CDC42BPA: variants seen among roughly 807,000 people sequenced by gnomAD.
The protein encoded by CDC42BPA is serine/threonine-protein kinase MRCK alpha.
CDC42BPA carries 80 observed loss-of-function variants against 223.5 expected under a neutral mutation model. The ratio of observed to expected loss-of-function variants is 0.36; its 90% confidence interval spans 0.30 to 0.43. CDC42BPA has a LOEUF of 0.43. Ranked by LOEUF, CDC42BPA falls within the 20% of genes least tolerant of loss-of-function variation. CDC42BPA has a pLI of 1.00. For missense variants in CDC42BPA, 1,743 were observed against 2,099.9 expected (o/e 0.83, Z 3.32); for synonymous variants, 694 against 718.6 (o/e 0.97, Z 0.55).
chr1:227,226,725 A>G (rs1466414341), intron 2 of CDC42BPA, among the ~76,000 whole-genome samples: 1 of 152,190 alleles, frequency 6.6e-6, no homozygotes, highest in Non-Finnish European at 1.5e-5. Flanking sequence ...GTCTGTTTTG[A>G]GATGGCAAAC....
chr1:227,259,739 G>T (rs545377503), intron 1 of CDC42BPA, among the ~76,000 whole-genome samples: 1 of 151,068 alleles, frequency 6.6e-6, no homozygotes, highest in South Asian at 2.1e-4. Flanking sequence ...TGCTAGCTCA[G>T]AGAAGGACAC....
rs1673993954 is a variant in CDC42BPA at position 227,053,705 on chromosome 1, T to A, written c.2905-1720A>T. ...ATCAAGGAGGCTAAGTTATATTATT[T>A]CCTTTCCTGATAGTAAATTTTGACC... On this transcript the variant is annotated intron_variant, in intron 21 of 36. Coordinates refer to ENST00000366766, the MANE Select transcript of CDC42BPA (RefSeq NM_001394014.1). Among the ~76,000 whole-genome samples, 6 of 152,326 alleles carry A rather than the reference T, an allele frequency of 3.9e-5. No homozygotes were observed. In the South Asian group the frequency reaches 1.2e-3, roughly 32 times the overall value.
At chr1:227,227,832 A>G (rs1412010219) in intron 2 of CDC42BPA, among the ~76,000 whole-genome samples, 2 of 135,350 alleles carry the variant, frequency 1.5e-5, no homozygotes, top group African/African-American at 2.8e-5. Context: ...CAAGGTCCAT[A>G]TTAAAAAAAA....
chr1:227,150,200 G>C (rs1487231354), intron 6 of CDC42BPA, among the ~76,000 whole-genome samples: 2 of 148,562 alleles, frequency 1.3e-5, no homozygotes, highest in East Asian at 3.9e-4. Context: ...CTCCAGCCTG[G>C]GCGACAAGAG....
chr1:227,200,530 T>G (rs1241955871), intron 3 of CDC42BPA, among the ~76,000 whole-genome samples: 3 of 143,012 alleles, frequency 2.1e-5, no homozygotes, highest in African/African-American at 9.0e-5. Flanking sequence ...CAATTTGATT[T>G]TTTTTTTTTC....
At chr1:227,257,889 G>A (rs1683366001) in intron 1 of CDC42BPA, among the ~76,000 whole-genome samples, 1 of 150,966 alleles carries the variant, frequency 6.6e-6, no homozygotes, top group Admixed American at 6.6e-5. Flanking sequence ...CTAAAAATGG[G>A]GCCGGGTGTG....
intron 21 of CDC42BPA, among the ~76,000 whole-genome samples, chr1:227,063,447 A>T (rs1488285392): frequency 2.0e-5 from 3 of 152,148 alleles, no homozygotes; most frequent in Non-Finnish European, 2.9e-5. Flanking sequence ...GGTCTTATTT[A>T]ATAAAATACC....
chr1:227,228,903 T>C (rs1363890880), intron 2 of CDC42BPA, among the ~76,000 whole-genome samples: 7 of 152,224 alleles, frequency 4.6e-5, no homozygotes, highest in Non-Finnish European at 8.8e-5. Flanking sequence ...TGCAGAGTTC[T>C]TTTAACACAG....
In CDC42BPA at chr1:227,015,724, T is replaced by C. The variant is rs555067335; in HGVS notation, c.4857+356A>G. Reference sequence around the variant, plus strand: ...GAGTAGGCCAAATATCTGTATTGATTTGCTAACACGTAGTGAAATTTTAGT... The same window carrying C: ...GAGTAGGCCAAATATCTGTATTGATCTGCTAACACGTAGTGAAATTTTAGT... On this transcript the variant is annotated intron_variant, in intron 34 of 36. Coordinates refer to ENST00000366766, the MANE Select transcript of CDC42BPA (RefSeq NM_001394014.1). 3.9e-5 allele frequency among the ~76,000 whole-genome samples: 6 copies of C among 152,176 alleles called. No homozygotes were observed. In the South Asian group the frequency reaches 1.2e-3, roughly 32 times the overall value.
At chr1:227,173,373 C>T (rs1410733080) in intron 5 of CDC42BPA, among the ~76,000 whole-genome samples, 1 of 152,148 alleles carries the variant, frequency 6.6e-6, no homozygotes, top group Non-Finnish European at 1.5e-5. Context: ...GGAAGATGGT[C>T]GCTAGGCTCC....
chr1:227,140,714 C>T (rs1659510252), intron 9 of CDC42BPA, among the ~76,000 whole-genome samples: 1 of 152,130 alleles, frequency 6.6e-6, no homozygotes, highest in Admixed American at 6.6e-5. Flanking sequence ...AGGGGAGTGA[C>T]ATGTTCTGAT....
intron 1 of CDC42BPA, among the ~76,000 whole-genome samples, chr1:227,297,983 T>C (rs549542151): frequency 0.13 from 9,421 of 72,974 alleles, 329 homozygotes; most frequent in South Asian, 0.17. Context: ...CACACACACA[T>C]ATATACATAT....
At chr1:227,109,166 GA>G (rs1686459984) in intron 14 of CDC42BPA, among the ~76,000 whole-genome samples, 1 of 152,192 alleles carries the variant, frequency 6.6e-6, no homozygotes, top group Admixed American at 6.5e-5. Context: ...GAGTGAACAT[GA>G]AGGCCTAGGA....
At chr1:227,210,407 G>T (rs1673669780) in intron 3 of CDC42BPA, among the ~76,000 whole-genome samples, 1 of 151,948 alleles carries the variant, frequency 6.6e-6, no homozygotes, top group Non-Finnish European at 1.5e-5. Flanking sequence ...TCTACCTTTT[G>T]GGTTCTTCTA....
At chr1:227,090,683 C>T (rs1352421559) in intron 16 of CDC42BPA, among the ~76,000 whole-genome samples, 4 of 151,980 alleles carry the variant, frequency 2.6e-5, no homozygotes, top group African/African-American at 4.8e-5. Context: ...TGGTGGTGTG[C>T]GCCTGTAGTC....
rs72755351 is a variant in CDC42BPA, at chr1:227,223,796, T to C, written c.271-10577A>G. On this transcript the variant is annotated intron_variant, in intron 2 of 36. Transcript: ENST00000366766. ...TGGTGCAAAAACAACATGAATTCAATAGAAAGCCATATGAGACTCTTTCAG... is the reference window on the plus strand; with the variant it reads ...TGGTGCAAAAACAACATGAATTCAACAGAAAGCCATATGAGACTCTTTCAG... Among the ~76,000 whole-genome samples the C allele has an allele frequency of 6.7e-3, 1,028 of 152,310 alleles. 6 individuals are homozygous for C. Among genetic ancestry groups the C allele is most frequent in the Middle Eastern group, 0.034 (10 of 294 alleles).
At chr1:227,309,327 A>G (rs186717589) in intron 1 of CDC42BPA, among the ~76,000 whole-genome samples, 22 of 152,392 alleles carry the variant, frequency 1.4e-4, no homozygotes, top group African/African-American at 5.0e-4. Context: ...AACTCTGAAC[A>G]AAAGTTAATA....
At chr1:227,192,655 G>A (rs1669910117) in intron 5 of CDC42BPA, among the ~76,000 whole-genome samples, 1 of 152,134 alleles carries the variant, frequency 6.6e-6, no homozygotes, top group Non-Finnish European at 1.5e-5. Flanking sequence ...CTTAAAATGT[G>A]AGGGTACCTT....
intron 11 of CDC42BPA, among the ~76,000 whole-genome samples, chr1:227,128,797 A>C (rs1454131827): frequency 2.0e-5 from 3 of 152,192 alleles, no homozygotes; most frequent in African/African-American, 7.2e-5. Flanking sequence ...TTCCAAAATG[A>C]ATAGGCCTTC....
Sources: allele counts gnomAD v4.1 joint callset (sites outside exome capture counted in the v4.1 genomes callset), GRCh38; gene constraint gnomAD v4.1.1; transcripts MANE v1.5; gene names NCBI Gene and HGNC (gene_info 2026-07-23, HGNC 2026-07-21).